AUTS2: variants seen among roughly 807,000 people sequenced by gnomAD.
AUTS2 encodes the protein autism susceptibility gene 2 protein.
A neutral mutation model predicts 112.4 loss-of-function variants in AUTS2; 17 were observed. The observed-to-expected ratio is 0.15, with a 90% CI of 0.10 to 0.23. The LOEUF is 0.23. Among genes scored for constraint, AUTS2 ranks in the 10% least tolerant of loss-of-function variants. The pLI is 1.00. For missense variants in AUTS2, 1,510 were observed against 1,701.6 expected (o/e 0.89, Z 1.98); for synonymous variants, 751 against 702.7 (o/e 1.07, Z -1.09).
intron 4 of AUTS2, among the ~76,000 whole-genome samples, chr7:70,361,036 C>G (rs962393430): frequency 1.3e-5 from 2 of 152,100 alleles, no homozygotes; most frequent in Non-Finnish European, 2.9e-5. Context: ...TCAGCTACAC[C>G]CAGCCTCCCA....
intron 6 of AUTS2, among the ~76,000 whole-genome samples, chr7:70,701,152 G>C (rs1236317012): frequency 6.6e-6 from 1 of 152,206 alleles, no homozygotes. Flanking sequence ...TAAGCTGCTG[G>C]TGAGATTATG....
chr7:70,060,472 C>T (rs567834546), intron 2 of AUTS2, among the ~76,000 whole-genome samples: 6 of 152,156 alleles, frequency 3.9e-5, no homozygotes, highest in African/African-American at 9.6e-5. Context: ...GTGTTGTAAG[C>T]GAGAAAGACT....
intron 5 of AUTS2, among the ~76,000 whole-genome samples, chr7:70,592,487 C>T (rs3974447): frequency 0.24 from 35,933 of 151,998 alleles, 4,475 homozygotes; most frequent in Middle Eastern, 0.31. Context: ...CTCAGCCTCC[C>T]GAGTAGCTGG....
intron 5 of AUTS2, among the ~76,000 whole-genome samples, chr7:70,619,529 C>G (rs1219570721): frequency 6.6e-6 from 1 of 151,028 alleles, no homozygotes; most frequent in African/African-American, 2.4e-5. Context: ...CTTCCCTCTC[C>G]TCTCTCAAAT....
intron 5 of AUTS2, among the ~76,000 whole-genome samples, chr7:70,647,636 T>C (rs1323562045): frequency 2.0e-5 from 3 of 152,170 alleles, no homozygotes; most frequent in Non-Finnish European, 4.4e-5. Flanking sequence ...GTCTCCTGTG[T>C]GATGTGTTTT....
intron 15 of AUTS2, 135 bp from the exon 16 acceptor site, chr7:70,784,807 A>AG: frequency 1.8e-6 from 1 of 555,810 alleles, no homozygotes; most frequent in East Asian, 3.7e-5. Flanking sequence ...TCTTGCCTGC[A>AG]GGGGCCTGGG....
chr7:69,850,398 C>CAAAAAAAAAAAAAAAAAAAAAAAAA (rs60553891), intron 1 of AUTS2, among the ~76,000 whole-genome samples: 2 of 34,680 alleles, frequency 5.8e-5, no homozygotes, highest in African/African-American at 8.6e-5. Context: ...AACTCTGTCT[C>CAAAAAAAAAAAAAAAAAAAAAAAAA]AAAAAAAAAA....
chr7:70,590,485 T>C (rs1802892823), intron 5 of AUTS2, among the ~76,000 whole-genome samples: 1 of 151,992 alleles, frequency 6.6e-6, no homozygotes, highest in Non-Finnish European at 1.5e-5. Flanking sequence ...GGATATAGGG[T>C]AGTGGTTGAA....
At chr7:70,396,154 T>G (rs1266463290) in intron 4 of AUTS2, among the ~76,000 whole-genome samples, 1 of 152,146 alleles carries the variant, frequency 6.6e-6, no homozygotes, top group East Asian at 1.9e-4. Context: ...GTCAAGATAA[T>G]GAGCATCTTC....
intron 6 of AUTS2, among the ~76,000 whole-genome samples, chr7:70,718,988 C>T (rs1055396190): frequency 7.1e-6 from 1 of 140,978 alleles, no homozygotes; most frequent in African/African-American, 2.5e-5. Context: ...CAAGGTTTTT[C>T]AGTTTGTCAG....
intron 5 of AUTS2, among the ~76,000 whole-genome samples, chr7:70,570,042 G>C (rs147041929): frequency 6.9e-4 from 105 of 152,216 alleles, no homozygotes; most frequent in Non-Finnish European, 1.2e-3. Context: ...TAGGAACCTC[G>C]GATAGGAAGC....
At chr7:70,591,459 T>C (rs1286299874) in intron 5 of AUTS2, among the ~76,000 whole-genome samples, 3 of 152,126 alleles carry the variant, frequency 2.0e-5, no homozygotes, top group Non-Finnish European at 2.9e-5. Context: ...AGTGCAGTGG[T>C]GCTATCTCAG....
chr7:70,283,582 A>T (rs576467699), intron 4 of AUTS2, among the ~76,000 whole-genome samples: 1 of 152,222 alleles, frequency 6.6e-6, no homozygotes, highest in Non-Finnish European at 1.5e-5. Context: ...ACATATATAC[A>T]TATGCCACAA....
chr7:69,887,853 A>C (rs1294551876), intron 1 of AUTS2, among the ~76,000 whole-genome samples: 1 of 152,174 alleles, frequency 6.6e-6, no homozygotes, highest in Non-Finnish European at 1.5e-5. Context: ...TAGAACTAAC[A>C]TTCATTGGCC....
intron 5 of AUTS2, among the ~76,000 whole-genome samples, chr7:70,657,625 T>C (rs1806841013): frequency 6.6e-6 from 1 of 152,216 alleles, no homozygotes; most frequent in Admixed American, 6.5e-5. Context: ...CTCTGGAATA[T>C]TACTGAGCAT....
At chr7:70,757,414 T>G (rs1789279129) in intron 6 of AUTS2, among the ~76,000 whole-genome samples, 1 of 152,140 alleles carries the variant, frequency 6.6e-6, no homozygotes, top group African/African-American at 2.4e-5. Context: ...TTGTAAACAG[T>G]TTTTCCTCTT....
intron 4 of AUTS2, among the ~76,000 whole-genome samples, chr7:70,267,496 A>G (rs1240541705): frequency 6.6e-6 from 1 of 152,164 alleles, no homozygotes; most frequent in African/African-American, 2.4e-5. Flanking sequence ...TGCTGACACG[A>G]TAATAGGACA....
At chr7:70,725,568 TG>T (rs1337292654) in intron 6 of AUTS2, among the ~76,000 whole-genome samples, 1 of 152,230 alleles carries the variant, frequency 6.6e-6, no homozygotes, top group East Asian at 1.9e-4. Context: ...ACATGACAAA[TG>T]GGAAAGCAGT....
At chr7:69,882,019 G>A (rs1392941619) in intron 1 of AUTS2, among the ~76,000 whole-genome samples, 3 of 151,800 alleles carry the variant, frequency 2.0e-5, no homozygotes, top group South Asian at 4.2e-4. Context: ...GAGTGGTGGT[G>A]CACGCCTGTA....
Sources: allele counts gnomAD v4.1 joint callset (sites outside exome capture counted in the v4.1 genomes callset), GRCh38; gene constraint gnomAD v4.1.1; transcripts MANE v1.5; gene names NCBI Gene and HGNC (gene_info 2026-07-23, HGNC 2026-07-21).